ACTL8: variants seen among roughly 807,000 people sequenced by gnomAD.
The protein encoded by ACTL8 is actin like 8, also known as actin-like protein 8.
A neutral mutation model predicts 9.3 loss-of-function variants in ACTL8; 3 were observed. The observed-to-expected ratio is 0.32, with a 90% CI of 0.15 to 0.83. The LOEUF (loss-of-function observed/expected upper bound fraction) is 0.83, where lower values mean the gene tolerates loss of function less well. Among genes scored for constraint, ACTL8 ranks in the 40% least tolerant of loss-of-function variants. The pLI, the probability that ACTL8 is intolerant of heterozygous loss-of-function variation, is 0.57. For synonymous variants in ACTL8, 224 were observed against 205.9 expected (o/e 1.09, Z -0.75); for missense variants, 381 against 492.2 (o/e 0.77, Z 2.14).
intron 1 of ACTL8, among the ~76,000 whole-genome samples, chr1:17,771,430 G>T (rs559357131): frequency 3.9e-5 from 6 of 152,048 alleles, no homozygotes; most frequent in Non-Finnish European, 8.8e-5. Flanking sequence ...CCTATTATGT[G>T]TTTATTAAAT....
chr1:17,824,659 A>G (rs1431091685), intron 2 of ACTL8, among the ~76,000 whole-genome samples: 2 of 152,214 alleles, frequency 1.3e-5, no homozygotes, highest in Non-Finnish European at 1.5e-5. Context: ...TTACACTACA[A>G]TATTATTTAT....
Position 17,812,596 on chromosome 1 carries a change from A to ATTTT in ACTL8, c.-24-10376_-24-10373dup, listed in dbSNP as rs34761963. On this transcript the variant is annotated intron_variant, in intron 1 of 2. Transcript: ENST00000375406. ...AGGCGTACGCCACCACGCCCTGTCA[A>ATTTT]TTTTTTTTTTTTTTTTGTATTTTAG... 1.4e-3 allele frequency among the ~76,000 whole-genome samples: 192 copies of ATTTT among 136,270 alleles called. 4 individuals are homozygous for ATTTT. Among genetic ancestry groups the ATTTT allele is most frequent in the African/African-American group, 4.4e-3 (159 of 36,302 alleles). 89.4% of individuals were successfully genotyped at this position (136,270 alleles called of 152,430 possible).
At chr1:17,768,801 C>G (rs2066063814) in intron 1 of ACTL8, among the ~76,000 whole-genome samples, 3 of 152,078 alleles carry the variant, frequency 2.0e-5, no homozygotes, top group African/African-American at 4.8e-5. Flanking sequence ...TGACTCACTG[C>G]TAGGGAGTGG....
rs565154270 is a variant in ACTL8 at position 17,759,537 on chromosome 1, C to T, written c.-25+4033C>T. Among the ~76,000 whole-genome samples the T allele has an allele frequency of 3.3e-5, 5 of 152,344 alleles. No homozygotes were observed. The South Asian group carries it at 8.3e-4, about 25-fold the overall frequency. ...GCAAGTTCTGCTGGTGTGCACCAGACCAACTTTTTTTCTCCCCCAATGTAG... is the reference window on the plus strand; with the variant it reads ...GCAAGTTCTGCTGGTGTGCACCAGATCAACTTTTTTTCTCCCCCAATGTAG... On this transcript the variant is annotated intron_variant, in intron 1 of 2. Transcript: ENST00000375406.
At chr1:17,761,937 T>C (rs1370197389) in intron 1 of ACTL8, among the ~76,000 whole-genome samples, 1 of 151,756 alleles carries the variant, frequency 6.6e-6, no homozygotes, top group East Asian at 2.0e-4. Flanking sequence ...CATCGTGGGT[T>C]TCTCCTCATC....
chr1:17,789,164 T>C (rs2066220068), intron 1 of ACTL8, among the ~76,000 whole-genome samples: 1 of 152,198 alleles, frequency 6.6e-6, no homozygotes, highest in Admixed American at 6.5e-5. Flanking sequence ...AATCAGAGTT[T>C]GGAGACAACT....
chr1:17,771,343 C>G (rs752834283), intron 1 of ACTL8, among the ~76,000 whole-genome samples: 1 of 151,940 alleles, frequency 6.6e-6, no homozygotes, highest in Non-Finnish European at 1.5e-5. Context: ...TCTTGGCTCT[C>G]GGGCCATATA....
rs192891272 is a variant in ACTL8, at chr1:17,764,932, C to T, written c.-25+9428C>T. On this transcript the variant is annotated intron_variant, in intron 1 of 2. Coordinates refer to ENST00000375406, the MANE Select transcript of ACTL8 (RefSeq NM_030812.3). ...AAGATGGCACATGACTTGGGGCCCC[C>T]GGATCTGGGTAGGGGGGCTGTATAG... is the stretch of plus-strand genomic sequence containing the variant. Among the ~76,000 whole-genome samples, 346 of 152,308 alleles carry T rather than the reference C, an allele frequency of 2.3e-3. 3 individuals carry two copies. The highest frequency in any genetic ancestry group is 7.0e-3 in the African/African-American group (291 of 41,580).
At chr1:17,774,701 C>T (rs1406073390) in intron 1 of ACTL8, among the ~76,000 whole-genome samples, 3 of 152,012 alleles carry the variant, frequency 2.0e-5, no homozygotes, top group Admixed American at 1.3e-4. Flanking sequence ...CGCAAGGGGG[C>T]CTTGTGGACA....
At chr1:17,764,393 G>C (rs377170659) in intron 1 of ACTL8, among the ~76,000 whole-genome samples, 1 of 152,178 alleles carries the variant, frequency 6.6e-6, no homozygotes, top group South Asian at 2.1e-4. Context: ...AGCCAGGGGG[G>C]ACTGGTCATA....
At position 17,820,500 on chromosome 1, in the gene ACTL8, C is replaced by T. The variant is rs188254853; in HGVS notation, c.-24-2485C>T. Among the ~76,000 whole-genome samples, 11 of 151,602 alleles carry T rather than the reference C, an allele frequency of 7.3e-5. No individual in the cohort carries two copies. In the East Asian group the frequency reaches 1.4e-3, roughly 19 times the overall value. ...GCATAAAGGTTTTTGTGTGAACGTA[C>T]GTTTTCATTTCCCTTGAGTAAATAC... On this transcript the variant is annotated intron_variant, in intron 1 of 2. Transcript: ENST00000375406.
intron 1 of ACTL8, among the ~76,000 whole-genome samples, chr1:17,794,072 C>G (rs1429625598): frequency 1.3e-5 from 2 of 152,186 alleles, no homozygotes. Context: ...ATGTGGCAAT[C>G]TCTCTTGCTG....
At chr1:17,813,545 T>C (rs1390783413) in intron 1 of ACTL8, among the ~76,000 whole-genome samples, 3 of 152,226 alleles carry the variant, frequency 2.0e-5, no homozygotes, top group Non-Finnish European at 4.4e-5. Flanking sequence ...TATTAAAGAA[T>C]AATATATCTT....
chr1:17,823,330 C>T lies in ACTL8; in HGVS notation c.322C>T (p.Pro108Ser). The change falls in exon 2 of 3, where the codon CCT (proline) becomes TCT (serine). Residue 108 changes from proline (P) to serine (S), a missense_variant. Around this residue, in one of 3 missense-constraint regions of ACTL8, gnomAD observed 125 missense variants for 180.7 expected, o/e 0.69. Coordinates refer to ENST00000375406, the MANE Select transcript of ACTL8 (RefSeq NM_030812.3). This position sits in a 1 kb window ranked among gnomAD's most constrained non-coding sequence, Gnocchi z 5.3. Reference protein sequence around the residue: ...VIITETPLREPADRKKMLEIL... With the variant: ...VIITETPLRESADRKKMLEIL... ...CATCACGGAGACACCCTTGAGGGAG[C>T]CTGCGGACCGAAAGAAGATGCTGGA... The T allele has an allele frequency of 6.2e-7, 1 of 1,613,282 alleles. No individual in the cohort carries two copies. Among genetic ancestry groups the T allele is most frequent in the Non-Finnish European group, 8.5e-7 (1 of 1,179,662 alleles).
At chr1:17,761,083 G>A (rs973511669) in intron 1 of ACTL8, among the ~76,000 whole-genome samples, 9 of 151,982 alleles carry the variant, frequency 5.9e-5, no homozygotes, top group African/African-American at 2.2e-4. Context: ...GCAGAGGGAG[G>A]AAAGAGGAGC....
intron 1 of ACTL8, among the ~76,000 whole-genome samples, chr1:17,797,486 T>A (rs1433430592): frequency 6.6e-6 from 1 of 152,240 alleles, no homozygotes; most frequent in African/African-American, 2.4e-5. Context: ...GTAACCACCG[T>A]GCATCGGAGG....
chr1:17,815,438 T>C (rs1414849787), intron 1 of ACTL8, among the ~76,000 whole-genome samples: 2 of 152,182 alleles, frequency 1.3e-5, no homozygotes, highest in African/African-American at 2.4e-5. Context: ...TGAGTTGATA[T>C]CTCTTTTCTT....
rs567490211 is a variant in ACTL8 at position 17,771,853 on chromosome 1, C to A, written c.-25+16349C>A. 3.3e-5 allele frequency among the ~76,000 whole-genome samples: 5 copies of A among 152,254 alleles called. No individual in the cohort carries two copies. The South Asian group carries it at 8.3e-4, about 25-fold the overall frequency. ...GGGGTCACCACCGTTTCTTGCAGCA[C>A]CATCAAGGCTAATGGAAGAGGGGGT... On this transcript the variant is annotated intron_variant, in intron 1 of 2. Coordinates refer to ENST00000375406, the MANE Select transcript of ACTL8 (RefSeq NM_030812.3).
At chr1:17,803,620 T>C (rs1008062794) in intron 1 of ACTL8, among the ~76,000 whole-genome samples, 1 of 152,230 alleles carries the variant, frequency 6.6e-6, no homozygotes. Flanking sequence ...CGTGAGCCAC[T>C]GTGCCTGGGC....
Sources: allele counts gnomAD v4.1 joint callset (sites outside exome capture counted in the v4.1 genomes callset), GRCh38; gene constraint gnomAD v4.1.1; regional missense constraint gnomAD v4.1.1; non-coding constraint Gnocchi (gnomAD v3.1); transcripts MANE v1.5; gene names NCBI Gene and HGNC (gene_info 2026-07-23, HGNC 2026-07-21).